CCDC150: variants seen among roughly 807,000 people sequenced by gnomAD.
CCDC150 encodes the protein coiled-coil domain-containing protein 150.
A neutral mutation model predicts 156.5 loss-of-function variants in CCDC150; 151 were observed. That is an observed-to-expected ratio of 0.97 (90% CI 0.85 to 1.10). The LOEUF is 1.10. Among genes scored for constraint, CCDC150 ranks in the 50% least tolerant of loss-of-function variants. CCDC150 has a pLI of 0.00. For synonymous variants in CCDC150, 452 were observed against 429.4 expected (o/e 1.05, Z -0.65); for missense variants, 1,312 against 1,268.1 (o/e 1.03, Z -0.53).
At chr2:196,679,436 A>T (rs1694691606) in intron 13 of CCDC150, among the ~76,000 whole-genome samples, 1 of 152,058 alleles carries the variant, frequency 6.6e-6, no homozygotes, top group African/African-American at 2.4e-5. Context: ...TTTAAATTTA[A>T]TTTTTTTCAT....
intron 13 of CCDC150, chr2:196,686,273 C>T: frequency 4.7e-6 from 1 of 212,580 alleles, no homozygotes; most frequent in Non-Finnish European, 9.7e-6. Flanking sequence ...CTGCCTGGTA[C>T]ATGGCTGCAC....
intron 13 of CCDC150, among the ~76,000 whole-genome samples, chr2:196,680,684 C>T (rs754192682): frequency 6.6e-6 from 1 of 152,044 alleles, no homozygotes. Flanking sequence ...TGTGAGCATT[C>T]GTATACAATT....
In CCDC150 at chr2:196,701,137, C is replaced by T; in HGVS notation, c.1652C>T (p.Thr551Ile). The T allele has an allele frequency of 6.2e-7, 1 of 1,609,344 alleles. No individual in the cohort carries two copies. Residue 551 changes from threonine (T) to isoleucine (I), a missense_variant, in exon 15 of 28, where the codon ACT (threonine) becomes ATT (isoleucine). Transcript: ENST00000389175. ...GLAQQKVEKI[T>I]ESKNKLAYEN... The stretch of plus-strand genomic sequence containing the variant: ...GCCCAACAGAAGGTGGAAAAAATCA[C>T]TGAAAGTAAAAATAAACTGGCCTAT...
chr2:196,651,853 G>A (rs1440175112), intron 2 of CCDC150, among the ~76,000 whole-genome samples: 1 of 152,172 alleles, frequency 6.6e-6, no homozygotes, highest in African/African-American at 2.4e-5. Context: ...CATGGTGCCA[G>A]CAACTACTCG....
chr2:196,657,887 C>T (rs906449734), intron 4 of CCDC150, among the ~76,000 whole-genome samples: 23 of 152,070 alleles, frequency 1.5e-4, no homozygotes, highest in African/African-American at 4.8e-4. Flanking sequence ...TGTTGTTACC[C>T]GGGTTTGAAC....
chr2:196,680,600 C>T (rs1467889767), intron 13 of CCDC150, among the ~76,000 whole-genome samples: 2 of 152,224 alleles, frequency 1.3e-5, no homozygotes, highest in East Asian at 1.9e-4. Context: ...CCACCATGCC[C>T]AGCCTAGTAC....
chr2:196,676,456 T>G, intron 11 of CCDC150, 98 bp from the exon 12 acceptor site: 1 of 1,316,242 alleles, frequency 7.6e-7, no homozygotes, highest in Non-Finnish European at 1.0e-6. Flanking sequence ...GTAACTACTC[T>G]CAGTCAGGAA....
intron 2 of CCDC150, 139 bp from the exon 3 acceptor site, chr2:196,656,494 A>G (rs577817270): frequency 1.3e-5 from 8 of 630,426 alleles, no homozygotes; most frequent in Non-Finnish European, 2.2e-5. Flanking sequence ...ATGTGGAGGG[A>G]GAGTCAGAAG....
chr2:196,681,854 A>G (rs534754747), intron 13 of CCDC150, among the ~76,000 whole-genome samples: 2 of 152,186 alleles, frequency 1.3e-5, no homozygotes, highest in Non-Finnish European at 2.9e-5. Flanking sequence ...TACATATTTT[A>G]GATACTACAA....
At chr2:196,683,659 G>A (rs1694969663) in intron 13 of CCDC150, among the ~76,000 whole-genome samples, 1 of 151,908 alleles carries the variant, frequency 6.6e-6, no homozygotes, top group Non-Finnish European at 1.5e-5. Context: ...TATGTAGAAG[G>A]TTTTGTTTCT....
intron 6 of CCDC150, 29 bp downstream of exon 6, chr2:196,665,712 T>C: frequency 7.2e-7 from 1 of 1,384,144 alleles, no homozygotes; most frequent in Non-Finnish European, 9.8e-7. Context: ...CTTATGTGGT[T>C]TGGGAAATGA....
chr2:196,732,371 G>A (rs1215969217), intron 27 of CCDC150, 75 bp from the exon 28 acceptor site: 1 of 1,224,056 alleles, frequency 8.2e-7, no homozygotes, highest in East Asian at 2.3e-5. Flanking sequence ...GATGACATGT[G>A]TAGAGGCAAA....
chr2:196,694,006 T>G (rs1695649610), intron 13 of CCDC150, among the ~76,000 whole-genome samples: 1 of 152,074 alleles, frequency 6.6e-6, no homozygotes, highest in Admixed American at 6.6e-5. Flanking sequence ...TAATTTATTA[T>G]CTTTTTATAT....
chr2:196,700,534 G>A (rs944290744), intron 14 of CCDC150, among the ~76,000 whole-genome samples: 1 of 152,124 alleles, frequency 6.6e-6, no homozygotes, highest in Non-Finnish European at 1.5e-5. Context: ...ATTATTAAAG[G>A]CTGTTTGAAT....
chr2:196,682,612 CACTT>C (rs1694906591), intron 13 of CCDC150, among the ~76,000 whole-genome samples: 5 of 152,018 alleles, frequency 3.3e-5, no homozygotes, highest in Admixed American at 2.0e-4. Context: ...AGTATGTCCT[CACTT>C]AATGTCATCA....
At chr2:196,664,427 G>A (rs1459476190) in intron 5 of CCDC150, among the ~76,000 whole-genome samples, 1 of 152,212 alleles carries the variant, frequency 6.6e-6, no homozygotes, top group Non-Finnish European at 1.5e-5. Flanking sequence ...TTACCCATTT[G>A]TTATAGAGGA....
intron 2 of CCDC150, among the ~76,000 whole-genome samples, chr2:196,651,834 C>T (rs751221851): frequency 6.6e-6 from 1 of 152,156 alleles, no homozygotes; most frequent in Non-Finnish European, 1.5e-5. Flanking sequence ...GTTCTGCAGG[C>T]TGTAAAAACA....
At chr2:196,670,706 T>G (rs757720308) in intron 8 of CCDC150, among the ~76,000 whole-genome samples, 2 of 152,130 alleles carry the variant, frequency 1.3e-5, no homozygotes, top group Non-Finnish European at 2.9e-5. Flanking sequence ...GGAAAAAATG[T>G]GTATGTATAA....
chr2:196,652,241 C>T (rs941193367), intron 2 of CCDC150, among the ~76,000 whole-genome samples: 26 of 152,170 alleles, frequency 1.7e-4, no homozygotes, highest in African/African-American at 5.5e-4. Flanking sequence ...CTTATTCCAG[C>T]GTTAATTCAG....
Sources: allele counts gnomAD v4.1 joint callset (sites outside exome capture counted in the v4.1 genomes callset), GRCh38; gene constraint gnomAD v4.1.1; transcripts MANE v1.5; gene names NCBI Gene and HGNC (gene_info 2026-07-23, HGNC 2026-07-21).